The following RBM26 variants were observed in gnomAD, a reference collection of about 807,000 sequenced individuals.
RBM26 encodes RNA binding motif protein 26.
A neutral mutation model predicts 123.6 loss-of-function variants in RBM26; 30 were observed. The ratio of observed to expected loss-of-function variants is 0.24; its 90% CI spans 0.18 to 0.33. The LOEUF (loss-of-function observed/expected upper bound fraction) is 0.33, where lower values mean the gene tolerates loss of function less well. Among genes scored for constraint, RBM26 ranks in the 10% least tolerant of loss-of-function variants. The pLI is 1.00. For missense variants in RBM26, 947 were observed against 1,203.6 expected (o/e 0.79, Z 3.15); for synonymous variants, 400 against 404.4 (o/e 0.99, Z 0.13).
At chr13:79,383,803 G>C (rs1344546337) in intron 1 of RBM26, among the ~76,000 whole-genome samples, 3 of 152,036 alleles carry the variant, frequency 2.0e-5, no homozygotes, top group African/African-American at 7.2e-5. Context: ...AGAAAGGTAA[G>C]GAGAAAGAAA....
intron 14 of RBM26, among the ~76,000 whole-genome samples, chr13:79,352,698 G>A (rs986953467): frequency 6.6e-6 from 1 of 152,060 alleles, no homozygotes; most frequent in Non-Finnish European, 1.5e-5. Context: ...AAAACCCCAT[G>A]AGCAAGATAA....
chr13:79,384,248 T>G (rs1395029279), intron 1 of RBM26, among the ~76,000 whole-genome samples: 1 of 151,600 alleles, frequency 6.6e-6, no homozygotes, highest in African/African-American at 2.4e-5. Flanking sequence ...AATAAAGTTT[T>G]TTTTTTTTTT....
chr13:79,384,782 A>G (rs1375046729), intron 1 of RBM26, among the ~76,000 whole-genome samples: 1 of 151,958 alleles, frequency 6.6e-6, no homozygotes, highest in African/African-American at 2.4e-5. Context: ...GAAACAAATC[A>G]CCTCTGGAAA....
intron 18 of RBM26, among the ~76,000 whole-genome samples, chr13:79,340,434 ATAATC>A (rs1306211144): frequency 1.3e-5 from 2 of 152,100 alleles, no homozygotes; most frequent in African/African-American, 2.4e-5. Flanking sequence ...CTAAAGCTAA[ATAATC>A]TAAAGTATAA....
intron 5 of RBM26, 32 bp downstream of exon 5, chr13:79,370,913 T>C: frequency 1.3e-6 from 2 of 1,573,642 alleles, no homozygotes; most frequent in Non-Finnish European, 1.7e-6. Context: ...ATGGAGTTTT[T>C]CATAAAAAGA....
At chr13:79,375,112 A>AT (rs1221387141) in intron 3 of RBM26, among the ~76,000 whole-genome samples, 1 of 127,732 alleles carries the variant, frequency 7.8e-6, no homozygotes, top group African/African-American at 2.8e-5. Flanking sequence ...ATATCATATA[A>AT]ATATATATTT....
intron 10 of RBM26, among the ~76,000 whole-genome samples, chr13:79,359,174 C>T (rs990131016): frequency 1.3e-5 from 2 of 152,170 alleles, no homozygotes; most frequent in African/African-American, 4.8e-5. Flanking sequence ...CCAACCCCCA[C>T]AAAAGCCCTT....
At chr13:79,388,150 T>C (rs898016375) in intron 1 of RBM26, among the ~76,000 whole-genome samples, 5 of 152,246 alleles carry the variant, frequency 3.3e-5, no homozygotes, top group Non-Finnish European at 7.3e-5. Flanking sequence ...TAAACTGGAA[T>C]GCAGTGGCGA....
intron 1 of RBM26, among the ~76,000 whole-genome samples, chr13:79,389,173 T>C (rs1055706432): frequency 1.3e-5 from 2 of 152,194 alleles, no homozygotes; most frequent in African/African-American, 4.8e-5. Flanking sequence ...CTCCCGTAAC[T>C]TCTTTTAAAA....
chr13:79,330,267 C>A (rs1281687117), intron 20 of RBM26, among the ~76,000 whole-genome samples: 1 of 152,044 alleles, frequency 6.6e-6, no homozygotes, highest in African/African-American at 2.4e-5. Context: ...ATATACATAA[C>A]AGAAAGCACA....
In RBM26 at chr13:79,320,017, A is replaced by G. The variant is rs1187848062; in HGVS notation, c.*604T>C. On this transcript the variant is annotated 3_prime_UTR_variant, in exon 22 of 22. Coordinates refer to ENST00000438737, the MANE Select transcript of RBM26 (RefSeq NM_001366735.2). ...TTCCTTTTTTTTTTTTAAAGAGACC[A>G]TTCCACTTTATTATAACATCTGGAT... 2.2e-6 allele frequency: 2 copies of G among 899,280 alleles called. No individual in the cohort carries two copies. Among genetic ancestry groups the G allele is most frequent in the Non-Finnish European group, 2.6e-6 (2 of 780,356 alleles). The allele number at this position is 899,280 out of a possible 1,614,324, so 55.7% of individuals were successfully genotyped here.
chr13:79,367,028 A>G (rs2075328442), intron 6 of RBM26, among the ~76,000 whole-genome samples, 156 bp from the exon 7 acceptor site: 2 of 152,186 alleles, frequency 1.3e-5, no homozygotes, highest in Non-Finnish European at 2.9e-5. Context: ...GATCTTCTCC[A>G]GTAATATAAA....
intron 3 of RBM26, among the ~76,000 whole-genome samples, chr13:79,372,676 C>T (rs1012561540): frequency 6.9e-6 from 1 of 144,964 alleles, no homozygotes; most frequent in Non-Finnish European, 1.5e-5. Flanking sequence ...AATACATACA[C>T]ACACACAAAC....
At chr13:79,373,560 A>C (rs1246463986) in intron 3 of RBM26, among the ~76,000 whole-genome samples, 2 of 108,592 alleles carry the variant, frequency 1.8e-5, no homozygotes, top group Non-Finnish European at 3.4e-5. Context: ...ATATTACTAT[A>C]TATATTTATA....
downstream of RBM26, chr13:79,313,943 G>C (rs375270941): frequency 5.3e-5 from 8 of 150,766 alleles, no homozygotes; most frequent in East Asian, 1.9e-4. Flanking sequence ...ATAAAAATCA[G>C]TGTCAATTGG....
At chr13:79,317,197 G>T (rs1211678731), downstream of RBM26, among the ~76,000 whole-genome samples, 1 of 151,682 alleles carries the variant, frequency 6.6e-6, no homozygotes, top group African/African-American at 2.4e-5. Flanking sequence ...ACTGGCAAAT[G>T]CAAGCATGTA....
At chr13:79,329,175 G>C (rs1220790813) in intron 20 of RBM26, among the ~76,000 whole-genome samples, 2 of 152,098 alleles carry the variant, frequency 1.3e-5, no homozygotes, top group African/African-American at 2.4e-5. Context: ...ATAGAGTCTA[G>C]AATTAACAAG....
chr13:79,393,702 C>T (rs765828996), intron 1 of RBM26, among the ~76,000 whole-genome samples: 2 of 152,278 alleles, frequency 1.3e-5, no homozygotes, highest in East Asian at 3.9e-4. Flanking sequence ...TCTCCTCCCC[C>T]CGTATGACCA....
chr13:79,355,146 T>C (rs2073821190), intron 12 of RBM26, 74 bp downstream of exon 12: 5 of 1,369,944 alleles, frequency 3.6e-6, no homozygotes, highest in East Asian at 2.3e-5. Context: ...TTGATTCCAA[T>C]GCCTCTACTC....
Sources: allele counts gnomAD v4.1 joint callset (sites outside exome capture counted in the v4.1 genomes callset), GRCh38; gene constraint gnomAD v4.1.1; transcripts MANE v1.5; gene names NCBI Gene and HGNC (gene_info 2026-07-23, HGNC 2026-07-21).